SFXN5: variants seen among roughly 807,000 people sequenced by gnomAD.
SFXN5 encodes the protein sideroflexin-5.
A neutral mutation model predicts 50.2 loss-of-function variants in SFXN5; 43 were observed. The observed-to-expected ratio is 0.86, with a 90% CI of 0.67 to 1.11. The LOEUF (loss-of-function observed/expected upper bound fraction) is 1.11, where lower values mean the gene tolerates loss of function less well. Among genes scored for constraint, SFXN5 ranks in the 50% least tolerant of loss-of-function variants. SFXN5 has a pLI of 0.00. For missense variants in SFXN5, 463 were observed against 454.1 expected, an observed-to-expected ratio of 1.02 and a Z score of -0.18; for synonymous variants, 203 against 185.8, an observed-to-expected ratio of 1.09 and a Z score of -0.75.
At chr2:73,000,341 C>A (rs1673743850) in intron 8 of SFXN5, 90 bp downstream of exon 8, 4 of 1,269,888 alleles carry the variant, frequency 3.1e-6, no homozygotes, top group African/African-American at 1.5e-5. Context: ...CAAGAGGCAG[C>A]CACTGATGGT....
chr2:73,047,234 AAAAAAAAAAAAATATATATATATATAT>A (rs1680475921), intron 2 of SFXN5, among the ~76,000 whole-genome samples: 1 of 66,740 alleles, frequency 1.5e-5, no homozygotes, highest in Non-Finnish European at 2.6e-5. Flanking sequence ...AAAAAAAAAA[AAAAAAAAAAAAATATATATATATATAT>A]ATATATATAT....
intron 3 of SFXN5, among the ~76,000 whole-genome samples, chr2:73,036,249 C>T (rs1248203191): frequency 6.6e-6 from 1 of 152,342 alleles, no homozygotes; most frequent in South Asian, 2.1e-4. Context: ...ATCCCCTCTG[C>T]TCCTGTGTCT....
At chr2:73,024,134 C>T (rs1319841254) in intron 3 of SFXN5, among the ~76,000 whole-genome samples, 1 of 151,962 alleles carries the variant, frequency 6.6e-6, no homozygotes, top group Non-Finnish European at 1.5e-5. Flanking sequence ...AGCGATTCTC[C>T]CGCCTCAGCC....
chr2:72,972,176 G>T (rs1236461863), intron 10 of SFXN5, among the ~76,000 whole-genome samples: 2 of 152,202 alleles, frequency 1.3e-5, no homozygotes, highest in African/African-American at 4.8e-5. Context: ...TTGCCTCCCT[G>T]ACAGCAGGTG....
At chr2:73,029,506 T>C (rs1437936942) in intron 3 of SFXN5, among the ~76,000 whole-genome samples, 1 of 151,922 alleles carries the variant, frequency 6.6e-6, no homozygotes, top group Non-Finnish European at 1.5e-5. Context: ...GCCTGGGAGG[T>C]AGACAGATGC....
intron 10 of SFXN5, chr2:72,980,977 A>G (rs997873744): frequency 6.6e-6 from 1 of 152,006 alleles, no homozygotes; most frequent in African/African-American, 2.4e-5. Flanking sequence ...CTGGAAGGCC[A>G]TTTACGCAAC....
rs11372880 is a variant in SFXN5, at chr2:73,029,429, GT to G, written c.250-6216del. Among the ~76,000 whole-genome samples the G allele has an allele frequency of 4.5e-3, 677 of 150,512 alleles. 2 individuals are homozygous for G. The highest frequency in any genetic ancestry group is 0.011 in the African/African-American group (432 of 41,122). On this transcript the variant is annotated intron_variant, in intron 3 of 13. Transcript: ENST00000272433. ...TAGAGGGAAGCAATTCAAATGAGCA[GT>G]TTTTTTTTTAAAGGATTTAATCATC...
chr2:72,948,601 A>G (rs930423043), intron 13 of SFXN5, among the ~76,000 whole-genome samples: 1 of 152,206 alleles, frequency 6.6e-6, no homozygotes, highest in African/African-American at 2.4e-5. Flanking sequence ...ACCACGGCCC[A>G]GGGCCACGGC....
chr2:73,043,906 A>G (rs185352545), intron 2 of SFXN5, among the ~76,000 whole-genome samples: 3 of 152,328 alleles, frequency 2.0e-5, no homozygotes, highest in East Asian at 1.9e-4. Context: ...GGTCACACAA[A>G]TAAGTGGGTG....
At chr2:73,059,184 C>A in intron 1 of SFXN5, 1 of 985,374 alleles carries the variant, frequency 1.0e-6, no homozygotes, top group Non-Finnish European at 1.2e-6. Context: ...GAGCAGGGGC[C>A]GTGGAAAAGG....
intron 12 of SFXN5, among the ~76,000 whole-genome samples, chr2:72,966,528 T>C (rs1295331825): frequency 6.6e-6 from 1 of 152,156 alleles, no homozygotes; most frequent in Admixed American, 6.5e-5. Flanking sequence ...ATTTTCTTAA[T>C]CCCAGTGCTC....
intron 2 of SFXN5, among the ~76,000 whole-genome samples, chr2:73,048,526 A>C (rs1017671362): frequency 6.6e-6 from 1 of 152,184 alleles, no homozygotes; most frequent in Non-Finnish European, 1.5e-5. Flanking sequence ...AGTCATCCCA[A>C]TATTGCACAC....
chr2:73,071,594 CG>C lies in SFXN5; in HGVS notation c.102+9del. On this transcript the variant is annotated intron_variant, in intron 1 of 13. Coordinates refer to ENST00000272433, the MANE Select transcript of SFXN5 (RefSeq NM_144579.3). ...ACCCGCCGGCCCGCAGACCACAGCC[CG>C]GTCCTCACCTGCTGGAAGCGGGGTT... 6.2e-7 allele frequency: 1 copy of C among 1,612,512 alleles called. No individual in the cohort carries two copies. Among genetic ancestry groups the C allele is most frequent in the African/African-American group, 1.3e-5 (1 of 75,026 alleles).
chr2:72,971,541 T>A, intron 11 of SFXN5, 29 bp downstream of exon 11: 2 of 1,559,840 alleles, frequency 1.3e-6, no homozygotes, highest in Non-Finnish European at 1.8e-6. Flanking sequence ...GTTGCTGGCC[T>A]CCCCAACCCT....
chr2:72,968,168 C>CA lies in SFXN5; in HGVS notation c.827+279dup, dbSNP rs1553509170. 1.5e-4 allele frequency among the ~76,000 whole-genome samples: 21 copies of CA among 144,476 alleles called. 1 individual carries two copies. In the South Asian group the frequency reaches 2.6e-3, roughly 18 times the overall value. 94.8% of individuals were successfully genotyped at this position (144,476 alleles called of 152,430 possible). On this transcript the variant is annotated intron_variant, in intron 12 of 13. Coordinates refer to ENST00000272433, the MANE Select transcript of SFXN5 (RefSeq NM_144579.3). The stretch of plus-strand genomic sequence containing the variant: ...ACACACACACACACACACACACACA[C>CA]AACTGCCAGCTCCTCAGGGGAGGGC...
intron 2 of SFXN5, among the ~76,000 whole-genome samples, chr2:73,047,234 AAAAAAAAAAAAATATATAT>A (rs1187561396): frequency 2.2e-4 from 15 of 66,734 alleles, no homozygotes; most frequent in African/African-American, 1.1e-3. Context: ...AAAAAAAAAA[AAAAAAAAAAAAATATATAT>A]ATATATATAT....
chr2:72,964,783 C>T (rs971402907), intron 12 of SFXN5, among the ~76,000 whole-genome samples: 6 of 152,220 alleles, frequency 3.9e-5, no homozygotes, highest in Admixed American at 6.5e-5. Context: ...GCCAGGAGCA[C>T]CAAACTCTGA....
chr2:73,056,369 C>T (rs1360225719), intron 2 of SFXN5, among the ~76,000 whole-genome samples: 8 of 148,764 alleles, frequency 5.4e-5, no homozygotes, highest in East Asian at 2.0e-4. Flanking sequence ...GGGACAAGAG[C>T]GAGACTCTGT....
chr2:73,032,287 G>A (rs1678410753), intron 3 of SFXN5, among the ~76,000 whole-genome samples: 1 of 152,212 alleles, frequency 6.6e-6, no homozygotes, highest in South Asian at 2.1e-4. Context: ...CATCTTGTGT[G>A]GGCTCAGCCC....
Sources: gnomAD v4.1 joint callset for allele counts (sites outside exome capture counted in the v4.1 genomes callset) on GRCh38, gnomAD v4.1.1 for gene constraint, MANE v1.5 for transcripts, NCBI Gene and HGNC (gene_info 2026-07-23, HGNC 2026-07-21) for gene names.